The following PLD5 variants were observed in gnomAD, a reference collection of about 807,000 sequenced individuals.
PLD5 encodes inactive phospholipase D5.
In PLD5, 36 loss-of-function variants were observed where a neutral mutation model predicts 61.1. The observed-to-expected ratio is 0.59, with a 90% CI of 0.45 to 0.78. The LOEUF (loss-of-function observed/expected upper bound fraction) is 0.78. PLD5 is among the 30% of genes least tolerant of loss of function. The probability of loss-of-function intolerance (pLI) is 0.00; values close to 1 mark genes in which losing one functional copy is unlikely to be tolerated. For missense variants in PLD5, 515 were observed against 644.4 expected, an observed-to-expected ratio of 0.80 and a Z score of 2.17; for synonymous variants, 243 against 242.8, an observed-to-expected ratio of 1.00 and a Z score of -0.01.
chr1:242,338,910 T>A (rs569025600), intron 2 of PLD5, among the ~76,000 whole-genome samples: 50 of 152,184 alleles, frequency 3.3e-4, no homozygotes, highest in Non-Finnish European at 6.2e-4. Context: ...AATCAAGCTA[T>A]CTCCCATTTC....
At position 242,417,006 on chromosome 1, in the gene PLD5, A is replaced by T. The variant is rs2580235; in HGVS notation, c.190-68764T>A. ...CTTGTGAAAGATGGAAAGGGTAGTT[A>T]AAAAAAATCTATAAAATATATAATA... On this transcript the variant is annotated intron_variant, in intron 1 of 9. Coordinates refer to ENST00000536534, the MANE Select transcript of PLD5 (RefSeq NM_001372062.1). 4.4e-3 allele frequency among the ~76,000 whole-genome samples: 634 copies of T among 144,160 alleles called. 4 individuals carry two copies. Among genetic ancestry groups the T allele is most frequent in the African/African-American group, 0.014 (549 of 39,974 alleles). The allele number at this position is 144,160 out of a possible 152,430, so 94.6% of individuals were successfully genotyped here. A position where few individuals can be genotyped will look rare whatever the true frequency, so the allele number is the denominator to read the frequency against.
At chr1:242,131,861 G>C (rs1217106862) in intron 5 of PLD5, among the ~76,000 whole-genome samples, 1 of 142,548 alleles carries the variant, frequency 7.0e-6, no homozygotes. Flanking sequence ...TTGAGATGGA[G>C]TCTCATTCTG....
At chr1:242,318,363 G>A (rs1427165368) in intron 2 of PLD5, among the ~76,000 whole-genome samples, 8 of 152,238 alleles carry the variant, frequency 5.3e-5, no homozygotes, top group South Asian at 4.1e-4. Flanking sequence ...CTATTTTTCC[G>A]ACTCCTCTGC....
In PLD5 at chr1:242,219,974, C is replaced by CG. The variant is rs768614434; in HGVS notation, c.735+13dup. On this transcript the variant is annotated intron_variant, in intron 5 of 9. Transcript: ENST00000536534. Reference sequence around the variant, plus strand: ...GTGACAGAACATTGAGTTTACATAACGTAGAAAGCTTACCTGTCCCAGGGA... The same window carrying CG: ...GTGACAGAACATTGAGTTTACATAACGGTAGAAAGCTTACCTGTCCCAGGGA... 3 of 1,608,902 alleles carry CG rather than the reference C, an allele frequency of 1.9e-6. No homozygotes were observed. The highest frequency in any genetic ancestry group is 1.7e-6 in the Non-Finnish European group (2 of 1,175,654).
At chr1:242,278,192 G>T (rs557640019) in intron 3 of PLD5, among the ~76,000 whole-genome samples, 7 of 151,966 alleles carry the variant, frequency 4.6e-5, no homozygotes, top group Non-Finnish European at 8.8e-5. Context: ...TGACCTATTC[G>T]AGTGAAAGTA....
At chr1:242,230,270 T>C (rs1209286434) in intron 4 of PLD5, among the ~76,000 whole-genome samples, 2 of 152,240 alleles carry the variant, frequency 1.3e-5, no homozygotes, top group Non-Finnish European at 2.9e-5. Context: ...TAAAATATAA[T>C]TTATCCCATA....
chr1:242,250,811 A>G (rs1672657980), intron 4 of PLD5, among the ~76,000 whole-genome samples: 1 of 152,276 alleles, frequency 6.6e-6, no homozygotes, highest in African/African-American at 2.4e-5. Flanking sequence ...GTCAGGAAAA[A>G]CTGTTAGGAT....
chr1:242,437,834 A>G (rs1286507882), intron 1 of PLD5, among the ~76,000 whole-genome samples: 4 of 152,250 alleles, frequency 2.6e-5, no homozygotes, highest in African/African-American at 9.6e-5. Context: ...ACTGAGGCAC[A>G]CAGAAGTTAA....
intron 3 of PLD5, among the ~76,000 whole-genome samples, chr1:242,281,747 A>G (rs7548133): frequency 0.97 from 147,625 of 152,220 alleles, 71,667 homozygotes; most frequent in Middle Eastern, 0.99. Context: ...CAGTCCTTCT[A>G]GATGTTTTCC....
intron 5 of PLD5, among the ~76,000 whole-genome samples, chr1:242,172,027 C>G (rs2164421): frequency 6.6e-6 from 1 of 151,994 alleles, no homozygotes; most frequent in African/African-American, 2.4e-5. Context: ...TAACTCCAAG[C>G]GGACCTAATA....
In PLD5 at chr1:242,124,589, C is replaced by T. The variant is rs758663255; in HGVS notation, c.812G>A (p.Ser271Asn). Reference protein sequence around the residue: ...LDLQRIFALYSSLKFKSRVPQ... With the variant: ...LDLQRIFALYNSLKFKSRVPQ... ...CACTCTGCTTTTGAATTTTAATGAA[C>T]TATATAGAGCAAATATCCTTTGTAA... Residue 271 changes from serine (S) to asparagine (N), a missense_variant, in exon 6 of 10, where the codon AGT becomes AAT. This residue lies in a region of PLD5 where 450 missense variants were observed against 598.1 expected (regional missense o/e 0.75). Coordinates refer to ENST00000536534, the MANE Select transcript of PLD5 (RefSeq NM_001372062.1). The T allele has an allele frequency of 2.5e-6, 4 of 1,613,886 alleles. No individual in the cohort carries two copies. Among genetic ancestry groups the T allele is most frequent in the Non-Finnish European group, 3.4e-6 (4 of 1,179,828 alleles).
intron 1 of PLD5, among the ~76,000 whole-genome samples, chr1:242,467,556 C>T (rs1225426397): frequency 1.3e-5 from 2 of 152,154 alleles, no homozygotes; most frequent in Non-Finnish European, 2.9e-5. Flanking sequence ...AGCAATTTGG[C>T]AATTACCTCA....
chr1:242,337,447 G>A (rs1276651532), intron 2 of PLD5, among the ~76,000 whole-genome samples: 1 of 151,692 alleles, frequency 6.6e-6, no homozygotes, highest in Non-Finnish European at 1.5e-5. Context: ...CCTGGCCAAC[G>A]TGGTGAAACC....
intron 4 of PLD5, among the ~76,000 whole-genome samples, chr1:242,226,154 G>T (rs762340046): frequency 2.6e-5 from 4 of 152,138 alleles, no homozygotes; most frequent in Non-Finnish European, 5.9e-5. Context: ...AGCTTTGAAA[G>T]TATATTAAGT....
chr1:242,301,717 ACT>A (rs1385349733), intron 2 of PLD5, among the ~76,000 whole-genome samples: 3 of 151,920 alleles, frequency 2.0e-5, no homozygotes, highest in African/African-American at 7.3e-5. Flanking sequence ...CAGTTGTAAC[ACT>A]GTGTTTTTAC....
chr1:242,095,040 G>A (rs559882540), intron 9 of PLD5, among the ~76,000 whole-genome samples: 25 of 152,190 alleles, frequency 1.6e-4, no homozygotes, highest in South Asian at 8.3e-4. Flanking sequence ...AGGTTCAAGC[G>A]ATCCTCCTGC....
At chr1:242,166,917 T>C (rs761970632) in intron 5 of PLD5, among the ~76,000 whole-genome samples, 29 of 152,070 alleles carry the variant, frequency 1.9e-4, no homozygotes, top group Non-Finnish European at 5.9e-5. Flanking sequence ...TCAATGTCCA[T>C]TGAATTGAGC....
At chr1:242,104,998 A>C (rs1174556366) in intron 8 of PLD5, among the ~76,000 whole-genome samples, 1 of 152,184 alleles carries the variant, frequency 6.6e-6, no homozygotes, top group Non-Finnish European at 1.5e-5. Context: ...CACAACAAAA[A>C]CTTAATAAAC....
At chr1:242,302,063 A>G (rs1374220927) in intron 2 of PLD5, among the ~76,000 whole-genome samples, 4 of 152,182 alleles carry the variant, frequency 2.6e-5, no homozygotes, top group Non-Finnish European at 5.9e-5. Flanking sequence ...TTACAGGCGT[A>G]AGCCACTGCA....
Sources: gnomAD v4.1 joint callset for allele counts (sites outside exome capture counted in the v4.1 genomes callset) on GRCh38, gnomAD v4.1.1 for gene constraint, gnomAD v4.1.1 regional missense constraint, MANE v1.5 for transcripts, NCBI Gene and HGNC (gene_info 2026-07-23, HGNC 2026-07-21) for gene names.